Variants in ARFGEF2 observed in about 807,000 individuals in gnomAD.
ARFGEF2 encodes the protein ARF guanine nucleotide exchange factor 2, also known as brefeldin A-inhibited guanine nucleotide-exchange protein 2.
Under a neutral mutation model 219.9 loss-of-function variants are expected in ARFGEF2, and 74 were observed. That is an observed-to-expected ratio of 0.34 (90% CI 0.28 to 0.41). The LOEUF is 0.41. Ranked by LOEUF, ARFGEF2 falls within the 10% of genes least tolerant of loss-of-function variation. ARFGEF2 has a pLI of 1.00. For synonymous variants in ARFGEF2, 733 were observed against 799.2 expected, an observed-to-expected ratio of 0.92 and a Z score of 1.40; for missense variants, 1,743 against 2,218.3, an observed-to-expected ratio of 0.79 and a Z score of 4.30.
At chr20:49,026,174 A>C (rs892142351) in intron 36 of ARFGEF2, among the ~76,000 whole-genome samples, 3 of 151,756 alleles carry the variant, frequency 2.0e-5, no homozygotes, top group African/African-American at 7.3e-5. Flanking sequence ...ATCTCCACCC[A>C]AAAAAAAGTA....
intron 14 of ARFGEF2, among the ~76,000 whole-genome samples, chr20:48,981,719 A>G (rs2091297074): frequency 6.6e-6 from 1 of 151,848 alleles, no homozygotes; most frequent in Non-Finnish European, 1.5e-5. Flanking sequence ...TTCTCACTTT[A>G]TTTCATTAAT....
chr20:48,976,711 G>A (rs8184745), intron 14 of ARFGEF2, among the ~76,000 whole-genome samples: 1 of 152,092 alleles, frequency 6.6e-6, no homozygotes, highest in Admixed American at 6.5e-5. Context: ...GGGAGGCTGA[G>A]GCAGGAGAAT....
At chr20:48,924,818 C>G (rs1157334585) in intron 1 of ARFGEF2, among the ~76,000 whole-genome samples, 1 of 152,208 alleles carries the variant, frequency 6.6e-6, no homozygotes, top group East Asian at 1.9e-4. Flanking sequence ...CTGCCTTCCA[C>G]TTGCTACGTT....
In ARFGEF2 at chr20:48,950,811, A is replaced by AAT. The variant is rs71184245; in HGVS notation, c.277-477_277-476dup. 3.8e-3 allele frequency among the ~76,000 whole-genome samples: 248 copies of AAT among 64,500 alleles called. 4 individuals are homozygous for AAT. The highest frequency in any genetic ancestry group is 0.011 in the East Asian group (23 of 2,040). 42.3% of individuals were successfully genotyped at this position (64,500 alleles called of 152,430 possible). A position where few individuals can be genotyped will look rare whatever the true frequency, so the allele number is the denominator to read the frequency against. On this transcript the variant is annotated intron_variant, in intron 3 of 38. Transcript: ENST00000371917. ...ACCCTGTCTAAAAAAAAAAAAAAAA[A>AAT]ATATATATATATATATATATATATA...
rs1014582845 is a variant in ARFGEF2 at position 48,995,885 on chromosome 20, A to G, written c.3221+3A>G. 2.4e-5 allele frequency: 39 copies of G among 1,613,908 alleles called. No homozygotes were observed. Among genetic ancestry groups the G allele is most frequent in the Non-Finnish European group, 3.3e-5 (39 of 1,179,786 alleles). ...AGTGTGGTTGTAGCTGTGGACAGGTAATGATTTTATTCTTCAGTGACCCTG... is the reference window on the plus strand; with the variant it reads ...AGTGTGGTTGTAGCTGTGGACAGGTGATGATTTTATTCTTCAGTGACCCTG... On this transcript the variant is annotated splice_donor_region_variant and intron_variant, in intron 23 of 38. Transcript: ENST00000371917.
intron 30 of ARFGEF2, 41 bp downstream of exon 30, chr20:49,014,001 G>C (rs1407655562): frequency 6.2e-7 from 1 of 1,612,740 alleles, no homozygotes. Context: ...ATGATGGAGA[G>C]GAAAGCCTTT....
rs775764028 is a variant in ARFGEF2 at position 49,018,995 on chromosome 20, G to T, written c.4621G>T (p.Ala1541Ser). 3.1e-6 allele frequency: 5 copies of T among 1,611,204 alleles called. No homozygotes were observed. The highest frequency in any genetic ancestry group is 4.2e-6 in the Non-Finnish European group (5 of 1,177,690). The change falls in exon 34 of 39, where the codon GCA (alanine) becomes TCA (serine). Residue 1541 changes from alanine (A) to serine (S), a missense_variant. By Grantham distance (99) the Ala-to-Ser change is moderately conservative. Transcript: ENST00000371917. ...TDDSWKGRPYANQKLFASLLI... is the reference protein window; with the variant it reads ...TDDSWKGRPYSNQKLFASLLI... ...TGACAGCTGGAAGGGTAGACCATAC[G>T]CAAGTAAGGCCACTTTTTAATTTGT...
At chr20:48,979,148 C>T (rs373665003) in intron 14 of ARFGEF2, among the ~76,000 whole-genome samples, 6 of 152,050 alleles carry the variant, frequency 3.9e-5, no homozygotes, top group African/African-American at 9.7e-5. Flanking sequence ...AGATATGTTC[C>T]GTCAGTACCT....
At chr20:48,926,824 A>G (rs1038659435) in intron 1 of ARFGEF2, among the ~76,000 whole-genome samples, 1 of 152,230 alleles carries the variant, frequency 6.6e-6, no homozygotes, top group African/African-American at 2.4e-5. Context: ...GGAAGAGAGC[A>G]ACTTGCCCAT....
intron 16 of ARFGEF2, 51 bp downstream of exon 16, chr20:48,985,664 A>G: frequency 6.3e-7 from 1 of 1,579,464 alleles, no homozygotes; most frequent in Non-Finnish European, 8.7e-7. Context: ...CCTGCCTCAG[A>G]ACGCTAATTC....
At chr20:49,015,698 C>G (rs959552769) in intron 30 of ARFGEF2, among the ~76,000 whole-genome samples, 6 of 152,148 alleles carry the variant, frequency 3.9e-5, no homozygotes, top group Non-Finnish European at 7.3e-5. Context: ...CATGAGAGTT[C>G]CTATTTCTCC....
In ARFGEF2 at chr20:49,011,929, A is replaced by G. The variant is rs143009676; in HGVS notation, c.3763A>G (p.Ile1255Val). The change falls in exon 28 of 39, where the codon ATT becomes GTT. Residue 1255 changes from isoleucine (I) to valine (V), a missense_variant. Ile to Val is a conservative substitution (Grantham distance 29). Coordinates refer to ENST00000371917, the MANE Select transcript of ARFGEF2 (RefSeq NM_006420.3). ...TGTGCCTTGTGTTCCCCCAGCAACT[A>G]TTTTCCAGCACCATTTTCCTGCAGC... ...FQTTCHIVTT[I>V]FQHHFPAAID... The G allele has an allele frequency of 7.4e-6, 12 of 1,613,810 alleles. No individual in the cohort carries two copies. The highest frequency in any genetic ancestry group is 4.0e-5 in the African/African-American group (3 of 74,816).
chr20:48,971,704 A>G (rs1195720753), intron 10 of ARFGEF2, among the ~76,000 whole-genome samples: 18 of 152,128 alleles, frequency 1.2e-4, no homozygotes, highest in African/African-American at 4.3e-4. Flanking sequence ...GATCGAGACC[A>G]TCCTGGCTAA....
intron 21 of ARFGEF2, among the ~76,000 whole-genome samples, chr20:48,992,483 G>T (rs182549353): frequency 6.6e-6 from 1 of 152,294 alleles, no homozygotes; most frequent in African/African-American, 2.4e-5. Context: ...AAAGGCTCTA[G>T]AGCCTGGCAA....
chr20:49,035,396 T>A lies in ARFGEF2; in HGVS notation c.*2197T>A, dbSNP rs1222820364. Reference sequence around the variant, plus strand: ...AAGATTTAATTTTCTGAATGAGGCATTTGAATTGTACCAGCAATGGACTTT... The same window carrying A: ...AAGATTTAATTTTCTGAATGAGGCAATTGAATTGTACCAGCAATGGACTTT... On this transcript the variant is annotated 3_prime_UTR_variant, in exon 39 of 39. Transcript: ENST00000371917. 6.6e-6 allele frequency: 1 copy of A among 152,240 alleles called. No individual in the cohort carries two copies. The highest frequency in any genetic ancestry group is 1.9e-4 in the East Asian group (1 of 5,204). 9.4% of individuals were successfully genotyped at this position (152,240 alleles called of 1,614,324 possible).
At chr20:48,961,795 C>T (rs1328112565) in intron 6 of ARFGEF2, among the ~76,000 whole-genome samples, 9 of 149,742 alleles carry the variant, frequency 6.0e-5, no homozygotes, top group Admixed American at 2.0e-4. Context: ...ACCTGGGAGG[C>T]GGAGGTTGCA....
intron 14 of ARFGEF2, among the ~76,000 whole-genome samples, chr20:48,978,419 G>A (rs1354222179): frequency 1.3e-5 from 2 of 152,272 alleles, no homozygotes; most frequent in Middle Eastern, 3.4e-3. Context: ...CTCTAGATTT[G>A]TTCTTTTTGC....
At chr20:48,969,645 CCT>C (rs2091212827) in intron 9 of ARFGEF2, among the ~76,000 whole-genome samples, 2 of 152,226 alleles carry the variant, frequency 1.3e-5, no homozygotes, top group Admixed American at 1.3e-4. Flanking sequence ...CTGTTGGAAA[CCT>C]CTGCTTCATC....
intron 21 of ARFGEF2, 58 bp from the exon 22 acceptor site, chr20:48,994,393 G>A (rs1379174126): frequency 1.2e-6 from 2 of 1,606,214 alleles, no homozygotes; most frequent in Non-Finnish European, 1.7e-6. Context: ...TAAGATTACA[G>A]TGCCCTTTTT....
Sources: gnomAD v4.1 joint callset for allele counts (sites outside exome capture counted in the v4.1 genomes callset) on GRCh38, gnomAD v4.1.1 for gene constraint, MANE v1.5 for transcripts, NCBI Gene and HGNC (gene_info 2026-07-23, HGNC 2026-07-21) for gene names.